TRIO: variants seen among roughly 807,000 people sequenced by gnomAD.
TRIO encodes the protein trio Rho guanine nucleotide exchange factor.
Under a neutral mutation model 351.9 loss-of-function variants are expected in TRIO, and 58 were observed. The ratio of observed to expected loss-of-function variants is 0.16; its 90% CI spans 0.13 to 0.21. The LOEUF (loss-of-function observed/expected upper bound fraction) is 0.21, where lower values mean the gene tolerates loss of function less well. Ranked by LOEUF, TRIO falls within the 10% of genes least tolerant of loss-of-function variation. The pLI is 1.00. For synonymous variants in TRIO, 1,758 were observed against 1,595.7 expected, an observed-to-expected ratio of 1.10 and a Z score of -2.42; for missense variants, 3,201 against 4,027.8, an observed-to-expected ratio of 0.79 and a Z score of 5.56.
At chr5:14,292,748 G>A (rs972836114) in intron 5 of TRIO, among the ~76,000 whole-genome samples, 16 of 152,190 alleles carry the variant, frequency 1.1e-4, no homozygotes, top group Middle Eastern at 6.3e-3. Context: ...CAGCCTGGGG[G>A]ATTAGAGTAA....
At chr5:14,391,756 A>C (rs1161820415) in intron 27 of TRIO, among the ~76,000 whole-genome samples, 1 of 152,252 alleles carries the variant, frequency 6.6e-6, no homozygotes, top group East Asian at 1.9e-4. Flanking sequence ...ACACTTGTGC[A>C]TGGACTGGTG....
intron 34 of TRIO, among the ~76,000 whole-genome samples, chr5:14,438,679 C>T (rs1041415552): frequency 2.6e-5 from 4 of 152,194 alleles, no homozygotes; most frequent in Admixed American, 6.5e-5. Flanking sequence ...TAGGCCTTGG[C>T]GTCAAAACTT....
At position 14,487,939 on chromosome 5, in the gene TRIO, G is replaced by C. The variant is rs1053222682; in HGVS notation, c.7311G>C (p.Ala2437=). ...GCCCAGACGCCCCCGCCAAGGACGC[G>C]CGCGCTAGCCTGGGCACCCTGCCGC... is the stretch of plus-strand genomic sequence containing the variant. ...GSSPDAPAKD[A]RASLGTLPLG... is the part of the protein sequence containing the mutation. Residue 2437 remains alanine, a synonymous_variant, in exon 48 of 57, where the codon GCG becomes GCC. Coordinates refer to ENST00000344204, the MANE Select transcript of TRIO (RefSeq NM_007118.4). 9.7e-6 allele frequency: 15 copies of C among 1,543,886 alleles called. No individual in the cohort carries two copies. Among genetic ancestry groups the C allele is most frequent in the Non-Finnish European group, 1.3e-5 (15 of 1,144,854 alleles).
chr5:14,293,200 C>A, intron 6 of TRIO, 66 bp downstream of exon 6: 1 of 1,607,602 alleles, frequency 6.2e-7, no homozygotes, highest in South Asian at 1.1e-5. Context: ...AGGCATTTGG[C>A]AAATTGTATG....
At position 14,437,541 on chromosome 5, in the gene TRIO, G is replaced by GA. The variant is rs556415915; in HGVS notation, c.5203+17521dup. ...AACAGAAATTTATTTTCTGGAGACTGAGAGTTAGAGATCAGGGTGTCAGCA... is the reference window on the plus strand; with the variant it reads ...AACAGAAATTTATTTTCTGGAGACTGAAGAGTTAGAGATCAGGGTGTCAGCA... On this transcript the variant is annotated intron_variant, in intron 34 of 56. Coordinates refer to ENST00000344204, the MANE Select transcript of TRIO (RefSeq NM_007118.4). Among the ~76,000 whole-genome samples the GA allele has an allele frequency of 5.1e-4, 77 of 152,290 alleles. 1 individual carries two copies. In the South Asian group the frequency reaches 0.015, roughly 29 times the overall value.
chr5:14,183,684 G>T (rs1185956352), intron 1 of TRIO: 2 of 355,502 alleles, frequency 5.6e-6, no homozygotes, highest in African/African-American at 4.1e-5. Flanking sequence ...TTTGGTTTCA[G>T]ACTTGGATCA....
chr5:14,465,482 G>C (rs1754182993), intron 36 of TRIO, 63 bp from the exon 37 acceptor site: 2 of 1,521,306 alleles, frequency 1.3e-6, no homozygotes, highest in African/African-American at 1.4e-5. Context: ...GGAATTTACT[G>C]TCTGACCAGT....
intron 1 of TRIO, among the ~76,000 whole-genome samples, chr5:14,170,061 C>T (rs915650555): frequency 7.2e-5 from 11 of 152,188 alleles, no homozygotes; most frequent in African/African-American, 2.7e-4. Context: ...AGTCAGGCTG[C>T]TTGGCAGGCA....
At chr5:14,260,958 G>A (rs2152260073) in intron 1 of TRIO, among the ~76,000 whole-genome samples, 1 of 152,282 alleles carries the variant, frequency 6.6e-6, no homozygotes, top group East Asian at 1.9e-4. Context: ...ATTTGTTGGT[G>A]AGCAAGGCCC....
At chr5:14,337,487 G>A (rs182726798) in intron 11 of TRIO, among the ~76,000 whole-genome samples, 1 of 152,282 alleles carries the variant, frequency 6.6e-6, no homozygotes, top group Admixed American at 6.5e-5. Context: ...ACAGAGGATC[G>A]TAACTTATTC....
Position 14,297,120 on chromosome 5 carries a change from G to T in TRIO, c.1225G>T (p.Val409Leu). 1 of 1,614,090 alleles carries T rather than the reference G, an allele frequency of 6.2e-7. No individual in the cohort carries two copies. Among genetic ancestry groups the T allele is most frequent in the Non-Finnish European group, 8.5e-7 (1 of 1,179,984 alleles). Residue 409 changes from valine (V) to leucine (L), a missense_variant, in exon 7 of 57, where the codon GTG becomes TTG. This residue lies in a region of TRIO where 349 missense variants were observed against 449.3 expected (regional missense o/e 0.78). Transcript: ENST00000344204. ...CATCATGTCGGTGGCCAATCGTCTG[G>T]TGGAGTCTGGCCACTATGCCTCGCA... ...NRIMSVANRLVESGHYASQQI... is the reference protein window; with the variant it reads ...NRIMSVANRLLESGHYASQQI...
rs185544101 is a variant in TRIO, at chr5:14,314,028, G to C, written c.1501-2485G>C. 2.6e-5 allele frequency among the ~76,000 whole-genome samples: 4 copies of C among 152,248 alleles called. No homozygotes were observed. The East Asian group carries it at 7.7e-4, about 29-fold the overall frequency. On this transcript the variant is annotated intron_variant, in intron 8 of 56. Coordinates refer to ENST00000344204, the MANE Select transcript of TRIO (RefSeq NM_007118.4). ...ACATGTTCACCAAATCATAGGCTCT[G>C]ATGTACATTTTCCAACAGTAATGCA...
intron 4 of TRIO, among the ~76,000 whole-genome samples, chr5:14,290,433 A>G (rs1484043082): frequency 6.6e-6 from 1 of 152,180 alleles, no homozygotes; most frequent in Non-Finnish European, 1.5e-5. Context: ...ATCTTCTTGG[A>G]AAGAAATCTC....
At chr5:14,479,887 C>A in intron 42 of TRIO, 32 bp from the exon 43 acceptor site, 1 of 1,605,868 alleles carries the variant, frequency 6.2e-7, no homozygotes, top group South Asian at 1.1e-5. Context: ...ATGAACAGCC[C>A]ATACGATCTT....
In TRIO at chr5:14,507,230, C is replaced by T; in HGVS notation, c.8721C>T (p.His2907=). The change falls in exon 56 of 57, where the codon CAC becomes CAT. Residue 2907 remains histidine (H), a synonymous_variant. Transcript: ENST00000344204. The part of the protein sequence containing the change: ...GEVLEAVRYL[H]NCRIAHLDLK... ...TTCTGGAAGCTGTCCGGTACCTGCA[C>T]AACTGCAGGATAGCACACCTGGACC... The T allele has an allele frequency of 3.1e-6, 5 of 1,611,864 alleles. No individual in the cohort carries two copies. The highest frequency in any genetic ancestry group is 3.4e-6 in the Non-Finnish European group (4 of 1,179,894).
chr5:14,150,904 C>T (rs927046366), intron 1 of TRIO, among the ~76,000 whole-genome samples: 7 of 152,084 alleles, frequency 4.6e-5, no homozygotes, highest in African/African-American at 1.7e-4. Context: ...TTCTGTAATA[C>T]GTGTTAATTT....
chr5:14,326,434 G>A (rs1455673963), intron 9 of TRIO, among the ~76,000 whole-genome samples: 1 of 152,236 alleles, frequency 6.6e-6, no homozygotes, highest in South Asian at 2.1e-4. Flanking sequence ...GTCCACTTTG[G>A]AACAACCGTG....
At chr5:14,288,335 C>G (rs1000795380) in intron 4 of TRIO, among the ~76,000 whole-genome samples, 3 of 152,192 alleles carry the variant, frequency 2.0e-5, no homozygotes, top group Non-Finnish European at 2.9e-5. Flanking sequence ...TTACCAGCCT[C>G]TCTCTCCCCA....
chr5:14,455,280 CA>C (rs765451816), intron 34 of TRIO, among the ~76,000 whole-genome samples: 9 of 152,210 alleles, frequency 5.9e-5, no homozygotes, highest in Non-Finnish European at 1.2e-4. Flanking sequence ...GCCGATTTTA[CA>C]GAGAGCTGAT....
Sources: allele counts gnomAD v4.1 joint callset (sites outside exome capture counted in the v4.1 genomes callset), GRCh38; gene constraint gnomAD v4.1.1; regional missense constraint gnomAD v4.1.1; transcripts MANE v1.5; gene names NCBI Gene and HGNC (gene_info 2026-07-23, HGNC 2026-07-21).